The following RYR3 variants were observed in gnomAD, a reference collection of about 807,000 sequenced individuals.
RYR3 encodes ryanodine receptor 3.
In RYR3, 207 loss-of-function variants were observed where a neutral mutation model predicts 584.3. The observed-to-expected ratio is 0.35, with a 90% CI of 0.32 to 0.40. The LOEUF is 0.40. Ranked by LOEUF, RYR3 falls within the 10% of genes least tolerant of loss-of-function variation. RYR3 has a pLI of 1.00. For missense variants in RYR3, 5,616 were observed against 6,089.2 expected, an observed-to-expected ratio of 0.92 and a Z score of 2.59; for synonymous variants, 2,416 against 2,248.5, an observed-to-expected ratio of 1.07 and a Z score of -2.11.
At chr15:33,773,966 G>A (rs997745794) in intron 64 of RYR3, among the ~76,000 whole-genome samples, 3 of 152,198 alleles carry the variant, frequency 2.0e-5, no homozygotes, top group South Asian at 2.1e-4. Flanking sequence ...GTTAAAGTGC[G>A]CTGAGAAGCT....
chr15:33,596,942 A>G (rs1595762734), intron 16 of RYR3, among the ~76,000 whole-genome samples: 1 of 152,276 alleles, frequency 6.6e-6, no homozygotes, highest in African/African-American at 2.4e-5. Context: ...TTTGAGAGGA[A>G]CATAGTTTGT....
At chr15:33,604,389 T>C (rs1220127764) in intron 18 of RYR3, among the ~76,000 whole-genome samples, 3 of 152,264 alleles carry the variant, frequency 2.0e-5, no homozygotes, top group African/African-American at 7.2e-5. Context: ...CCCAATGACA[T>C]GCTTCTTTTA....
chr15:33,343,520 C>T (rs149460657), intron 1 of RYR3, among the ~76,000 whole-genome samples: 1 of 152,208 alleles, frequency 6.6e-6, no homozygotes, highest in East Asian at 1.9e-4. Flanking sequence ...TTCCCAGATG[C>T]TCTCACTTTA....
chr15:33,464,585 A>G (rs1455497043), intron 1 of RYR3, among the ~76,000 whole-genome samples: 2 of 148,932 alleles, frequency 1.3e-5, no homozygotes, highest in African/African-American at 2.5e-5. Flanking sequence ...TATATAATGT[A>G]TATAATGCAT....
chr15:33,486,261 A>C (rs1391722394), intron 2 of RYR3, among the ~76,000 whole-genome samples: 2 of 152,226 alleles, frequency 1.3e-5, no homozygotes, highest in South Asian at 2.1e-4. Context: ...AGGTGTTATC[A>C]GGGCCATGCT....
rs2077105503 is a variant in RYR3, at chr15:33,821,520, C to A, written c.10916-3C>A. The A allele has an allele frequency of 6.2e-7, 1 of 1,613,342 alleles. No homozygotes were observed. The highest frequency in any genetic ancestry group is 8.5e-7 in the Non-Finnish European group (1 of 1,179,402). On this transcript the variant is annotated splice_polypyrimidine_tract_variant and splice_region_variant and intron_variant, in intron 79 of 103. Transcript: ENST00000634891. ...TGATTCAATCGAATCTTCACCATGG[C>A]AGGTGAGATGAGCCCCATGGTGGTT...
chr15:33,572,676 C>CACACACACAG (rs1335439651), intron 12 of RYR3, among the ~76,000 whole-genome samples: 1 of 141,688 alleles, frequency 7.1e-6, no homozygotes, highest in African/African-American at 2.5e-5. Context: ...CACACACACA[C>CACACACACAG]ACACACACAC....
chr15:33,576,802 A>G (rs904560368), intron 12 of RYR3, among the ~76,000 whole-genome samples: 1 of 152,212 alleles, frequency 6.6e-6, no homozygotes, highest in African/African-American at 2.4e-5. Flanking sequence ...AAGGGTATTC[A>G]CACAGGAAGA....
intron 1 of RYR3, among the ~76,000 whole-genome samples, chr15:33,422,953 T>C (rs954875180): frequency 1.3e-5 from 2 of 152,224 alleles, no homozygotes; most frequent in African/African-American, 4.8e-5. Flanking sequence ...AAACTTTGCA[T>C]ATTAGTGTTT....
At chr15:33,691,820 AGT>A (rs2065458598) in intron 38 of RYR3, among the ~76,000 whole-genome samples, 1 of 152,242 alleles carries the variant, frequency 6.6e-6, no homozygotes, top group South Asian at 2.1e-4. Flanking sequence ...TTTATCTGGA[AGT>A]GTGGCAATAA....
At position 33,663,528 on chromosome 15, in the gene RYR3, T is replaced by G. The variant is rs372099114; in HGVS notation, c.5419-9T>G. ...ACAAAGTGTTATCTATATAATACTT[T>G]CATTGCAGATGTGTGAGCTCCTCAG... On this transcript the variant is annotated splice_polypyrimidine_tract_variant and intron_variant, in intron 35 of 103. Transcript: ENST00000634891. 1.2e-6 allele frequency: 2 copies of G among 1,612,294 alleles called. No homozygotes were observed. Among genetic ancestry groups the G allele is most frequent in the Admixed American group, 1.7e-5 (1 of 59,940 alleles).
intron 35 of RYR3, among the ~76,000 whole-genome samples, chr15:33,663,334 C>G (rs1171818536): frequency 6.6e-6 from 1 of 152,186 alleles, no homozygotes; most frequent in African/African-American, 2.4e-5. Context: ...TTCTCTCTCT[C>G]CATAGGCAGA....
intron 50 of RYR3, among the ~76,000 whole-genome samples, chr15:33,739,613 TAAAGC>T (rs2152833961): frequency 8.7e-6 from 1 of 114,678 alleles, no homozygotes; most frequent in South Asian, 3.1e-4. Flanking sequence ...TTTTTCAACT[TAAAGC>T]AAATGGTGAC....
chr15:33,586,457 G>C (rs2058851213), intron 16 of RYR3, among the ~76,000 whole-genome samples: 1 of 152,160 alleles, frequency 6.6e-6, no homozygotes, highest in African/African-American at 2.4e-5. Context: ...ACTTCGTAGT[G>C]AAACAGCTTA....
At chr15:33,590,743 A>G (rs2059091685) in intron 16 of RYR3, among the ~76,000 whole-genome samples, 1 of 151,632 alleles carries the variant, frequency 6.6e-6, no homozygotes, top group Non-Finnish European at 1.5e-5. Flanking sequence ...CTATGGGTTC[A>G]TGAAGGTAGC....
At chr15:33,441,119 G>A in intron 1 of RYR3, among the ~76,000 whole-genome samples, 1 of 152,196 alleles carries the variant, frequency 6.6e-6, no homozygotes, top group Non-Finnish European at 1.5e-5. Flanking sequence ...CTTCAGTGGT[G>A]AGAATTTGCC....
intron 16 of RYR3, among the ~76,000 whole-genome samples, chr15:33,592,499 G>A (rs2059178817): frequency 1.3e-5 from 2 of 152,218 alleles, no homozygotes; most frequent in South Asian, 4.1e-4. Flanking sequence ...TCCAGTGGAA[G>A]GAAGGTAAGG....
chr15:33,739,919 A>G lies in RYR3; in HGVS notation c.7744A>G (p.Ile2582Val). The stretch of plus-strand genomic sequence containing the variant: ...GCCACCAGATTATTTAGATACCAGA[A>G]TCACAGCCACGTTGGAGAAACAGAT... ...ALPPDYLDTR[I>V]TATLEKQISV... Residue 2582 changes from isoleucine (I) to valine (V), a missense_variant, in exon 51 of 104, where the codon ATC becomes GTC. Physicochemically the swap from Ile to Val is conservative, Grantham distance 29. Around this residue, in one of 9 missense-constraint regions of RYR3, gnomAD observed 1,280 missense variants for 1,426.2 expected, o/e 0.90. Transcript: ENST00000634891. 6.2e-7 allele frequency: 1 copy of G among 1,613,824 alleles called. No individual in the cohort carries two copies. The highest frequency in any genetic ancestry group is 1.1e-5 in the South Asian group (1 of 91,040).
At chr15:33,576,644 C>G (rs28847986) in intron 12 of RYR3, among the ~76,000 whole-genome samples, 2 of 152,032 alleles carry the variant, frequency 1.3e-5, no homozygotes, top group African/African-American at 4.8e-5. Flanking sequence ...TTATGACAAA[C>G]CCACAGTCAA....
Sources: gnomAD v4.1 joint callset for allele counts (sites outside exome capture counted in the v4.1 genomes callset) on GRCh38, gnomAD v4.1.1 for gene constraint, gnomAD v4.1.1 regional missense constraint, MANE v1.5 for transcripts, NCBI Gene and HGNC (gene_info 2026-07-23, HGNC 2026-07-21) for gene names.